Variants in GPC5 observed in about 807,000 individuals in gnomAD.
GPC5 encodes glypican 5.
GPC5 carries 47 observed loss-of-function variants against 53.9 expected under a neutral mutation model. The observed-to-expected ratio is 0.87, with a 90% CI of 0.69 to 1.11. The LOEUF (loss-of-function observed/expected upper bound fraction) is 1.11. GPC5 is among the 50% of genes most tolerant of loss of function. The probability of loss-of-function intolerance (pLI) is 0.00; values close to 1 mark genes in which losing one functional copy is unlikely to be tolerated. For missense variants in GPC5, 748 were observed against 713.1 expected, an observed-to-expected ratio of 1.05 and a Z score of -0.56; for synonymous variants, 286 against 263.3, an observed-to-expected ratio of 1.09 and a Z score of -0.84.
intron 7 of GPC5, among the ~76,000 whole-genome samples, chr13:92,386,306 C>A (rs1300794603): frequency 6.6e-6 from 1 of 151,996 alleles, no homozygotes; most frequent in Non-Finnish European, 1.5e-5. Flanking sequence ...GTTAGCTCTA[C>A]ATAGAGAAAC....
intron 7 of GPC5, among the ~76,000 whole-genome samples, chr13:92,575,507 AT>A (rs549231995): frequency 8.5e-5 from 13 of 152,234 alleles, no homozygotes; most frequent in Non-Finnish European, 1.8e-4. Flanking sequence ...CAACACCTTG[AT>A]TTTGGACATC....
chr13:92,679,868 T>A (rs1230092409), intron 7 of GPC5, among the ~76,000 whole-genome samples: 1 of 151,964 alleles, frequency 6.6e-6, no homozygotes, highest in East Asian at 1.9e-4. Context: ...GCGCTCTCTC[T>A]TTTCCTCTCT....
At chr13:92,542,466 T>G (rs905361399) in intron 7 of GPC5, among the ~76,000 whole-genome samples, 2 of 152,078 alleles carry the variant, frequency 1.3e-5, no homozygotes, top group African/African-American at 4.8e-5. Context: ...CTGGCTCATT[T>G]CCCTTGACAT....
intron 6 of GPC5, among the ~76,000 whole-genome samples, chr13:92,123,953 G>C (rs1037768670): frequency 1.3e-5 from 2 of 152,014 alleles, no homozygotes; most frequent in Non-Finnish European, 2.9e-5. Context: ...CATTGAGTTT[G>C]CATATAGTTA....
intron 7 of GPC5, among the ~76,000 whole-genome samples, chr13:92,245,238 A>G (rs1451284055): frequency 6.6e-6 from 1 of 151,880 alleles, no homozygotes; most frequent in Non-Finnish European, 1.5e-5. Context: ...TTTCACTCTC[A>G]TTTTATTGCA....
At chr13:91,926,691 A>G (rs545275652) in intron 6 of GPC5, among the ~76,000 whole-genome samples, 41 of 152,308 alleles carry the variant, frequency 2.7e-4, no homozygotes, top group African/African-American at 9.4e-4. Context: ...GAAGTCAAGG[A>G]GTGGGGAATT....
intron 7 of GPC5, among the ~76,000 whole-genome samples, chr13:92,396,653 C>T (rs576805356): frequency 1.3e-4 from 20 of 152,322 alleles, no homozygotes; most frequent in African/African-American, 4.8e-4. Flanking sequence ...GCCCCACATG[C>T]ATTAGCTGTT....
chr13:91,553,649 C>A (rs2030776721), intron 2 of GPC5, among the ~76,000 whole-genome samples: 2 of 151,986 alleles, frequency 1.3e-5, no homozygotes, highest in African/African-American at 4.8e-5. Context: ...ATGAGACTTG[C>A]AAATCACTTT....
chr13:91,426,859 C>T (rs1275675069), intron 1 of GPC5, among the ~76,000 whole-genome samples: 1 of 152,116 alleles, frequency 6.6e-6, no homozygotes, highest in African/African-American at 2.4e-5. Context: ...CCTCCAGGAA[C>T]AATATTTTGC....
intron 6 of GPC5, among the ~76,000 whole-genome samples, chr13:92,005,060 T>C (rs2040594016): frequency 6.6e-6 from 1 of 152,196 alleles, no homozygotes; most frequent in Non-Finnish European, 1.5e-5. Context: ...TTTGGCAACA[T>C]ACTCCATAGA....
chr13:91,597,956 T>C (rs7322705), intron 2 of GPC5, among the ~76,000 whole-genome samples: 11,732 of 151,960 alleles, frequency 0.077, 718 homozygotes, highest in South Asian at 0.25. Context: ...GGATGCTCAA[T>C]TTATGTTGAA....
At chr13:92,252,391 C>G (rs2139130433) in intron 7 of GPC5, among the ~76,000 whole-genome samples, 1 of 152,092 alleles carries the variant, frequency 6.6e-6, no homozygotes, top group Admixed American at 6.6e-5. Flanking sequence ...TGCGTAGATG[C>G]AGTGAAATTT....
chr13:91,531,348 T>A (rs2138664847), intron 2 of GPC5, among the ~76,000 whole-genome samples: 1 of 152,238 alleles, frequency 6.6e-6, no homozygotes, highest in African/African-American at 2.4e-5. Flanking sequence ...GAAGTCATTG[T>A]GGATAAAGCG....
intron 6 of GPC5, among the ~76,000 whole-genome samples, chr13:92,023,585 G>T (rs1166902020): frequency 6.6e-6 from 1 of 151,524 alleles, no homozygotes; most frequent in African/African-American, 2.4e-5. Flanking sequence ...AGCTAAGATT[G>T]AGATTCCATA....
intron 4 of GPC5, among the ~76,000 whole-genome samples, chr13:91,745,555 G>A (rs1203733669): frequency 6.6e-6 from 1 of 151,912 alleles, no homozygotes; most frequent in African/African-American, 2.4e-5. Flanking sequence ...TAATAAAGGG[G>A]AATCATGTCA....
At chr13:91,997,879 T>G (rs965519877) in intron 6 of GPC5, among the ~76,000 whole-genome samples, 4 of 152,226 alleles carry the variant, frequency 2.6e-5, no homozygotes, top group Admixed American at 2.0e-4. Flanking sequence ...TGTAGTTATT[T>G]TCTTTATGGT....
intron 7 of GPC5, chr13:92,340,134 GA>G (rs2043354171): frequency 6.6e-6 from 1 of 152,020 alleles, no homozygotes; most frequent in East Asian, 1.9e-4. Context: ...TGGAATTCTG[GA>G]TTATTAATTA....
chr13:91,728,719 T>A, intron 4 of GPC5, 54 bp downstream of exon 4: 1 of 1,556,068 alleles, frequency 6.4e-7, no homozygotes, highest in Non-Finnish European at 8.7e-7. Flanking sequence ...CCATTAATTT[T>A]ACAACAGAAT....
chr13:92,384,126 G>GTT (rs60184723), intron 7 of GPC5, among the ~76,000 whole-genome samples: 84,875 of 148,934 alleles, frequency 0.57, 24,144 homozygotes, highest in East Asian at 0.62. Flanking sequence ...GTTTTTATAG[G>GTT]TTTTTTTTTT....
Sources: gnomAD v4.1 joint callset for allele counts (sites outside exome capture counted in the v4.1 genomes callset) on GRCh38, gnomAD v4.1.1 for gene constraint, MANE v1.5 for transcripts, NCBI Gene and HGNC (gene_info 2026-07-23, HGNC 2026-07-21) for gene names.